The following KCNMA1 variants were observed in gnomAD, a reference collection of about 807,000 sequenced individuals.
The protein encoded by KCNMA1 is potassium calcium-activated channel subfamily M alpha 1.
In KCNMA1, 29 loss-of-function variants were observed where a neutral mutation model predicts 140.0. The observed-to-expected ratio is 0.21, with a 90% confidence interval of 0.15 to 0.28. The LOEUF is 0.28. KCNMA1 is among the 10% of genes least tolerant of loss of function. The probability of loss-of-function intolerance (pLI) is 1.00; values close to 1 mark genes in which losing one functional copy is unlikely to be tolerated. For missense variants in KCNMA1, 880 were observed against 1,602.2 expected, an observed-to-expected ratio of 0.55 and a Z score of 7.70; for synonymous variants, 612 against 611.9, an observed-to-expected ratio of 1.00 and a Z score of 0.00.
intron 1 of KCNMA1, among the ~76,000 whole-genome samples, chr10:77,601,831 A>G (rs2082750768): frequency 1.3e-5 from 2 of 152,220 alleles, no homozygotes; most frequent in Admixed American, 1.3e-4. Context: ...AGCCAAGGAT[A>G]CAGCAAATTT....
At chr10:77,364,655 C>T (rs12268022) in intron 2 of KCNMA1, among the ~76,000 whole-genome samples, 22,807 of 151,958 alleles carry the variant, frequency 0.15, 2,383 homozygotes, top group African/African-American at 0.3. Context: ...AAACCTCTGG[C>T]TCATAACTTC....
chr10:77,465,690 C>T (rs1449604073), intron 1 of KCNMA1, among the ~76,000 whole-genome samples: 1 of 152,196 alleles, frequency 6.6e-6, no homozygotes, highest in Non-Finnish European at 1.5e-5. Flanking sequence ...GGGCTCCCTC[C>T]AACATAGACT....
chr10:77,561,551 C>T (rs1567556798), intron 1 of KCNMA1, among the ~76,000 whole-genome samples: 1 of 152,210 alleles, frequency 6.6e-6, no homozygotes, highest in African/African-American at 2.4e-5. Flanking sequence ...TGATTCCTTC[C>T]ACTTTCTGGC....
chr10:77,255,256 A>G (rs755455455), intron 2 of KCNMA1, among the ~76,000 whole-genome samples: 1 of 152,244 alleles, frequency 6.6e-6, no homozygotes, highest in African/African-American at 2.4e-5. Flanking sequence ...AAGATCAAAC[A>G]AGACATGTGT....
At chr10:77,338,926 C>T (rs1276758627) in intron 2 of KCNMA1, among the ~76,000 whole-genome samples, 1 of 152,188 alleles carries the variant, frequency 6.6e-6, no homozygotes, top group Admixed American at 6.5e-5. Context: ...GTGGGACCAG[C>T]TCTTCTCCTC....
rs530244426 is a variant in KCNMA1 at position 77,102,707 on chromosome 10, G to A, written c.1223+5774C>T. Among the ~76,000 whole-genome samples, 6 of 152,316 alleles carry A rather than the reference G, an allele frequency of 3.9e-5. No individual in the cohort carries two copies. The Middle Eastern group carries it at 0.01, about 259-fold the overall frequency. ...GCTGGGTCAAGGTCATTGAACAAGCGTTAGTTAGCATCTCCTCCTCTGAGG... is the reference window on the plus strand; with the variant it reads ...GCTGGGTCAAGGTCATTGAACAAGCATTAGTTAGCATCTCCTCCTCTGAGG... On this transcript the variant is annotated intron_variant, in intron 9 of 27. Coordinates refer to ENST00000286628, the MANE Select transcript of KCNMA1 (RefSeq NM_001161352.2).
intron 5 of KCNMA1, among the ~76,000 whole-genome samples, chr10:77,166,676 A>G (rs1001692698): frequency 6.6e-6 from 1 of 152,004 alleles, no homozygotes; most frequent in Admixed American, 6.6e-5. Context: ...GAGGAAGAAG[A>G]AAAGAAGGAG....
intron 2 of KCNMA1, among the ~76,000 whole-genome samples, chr10:77,340,119 C>G (rs529391331): frequency 1.3e-5 from 2 of 152,300 alleles, no homozygotes; most frequent in South Asian, 4.1e-4. Context: ...AAATGCTCAT[C>G]ATCACTGGCC....
intron 2 of KCNMA1, among the ~76,000 whole-genome samples, chr10:77,356,584 A>G (rs1297945423): frequency 6.6e-6 from 1 of 152,222 alleles, no homozygotes. Flanking sequence ...GGTACCTTGC[A>G]GGAAATCAAA....
chr10:76,993,160 A>G (rs2083263838), intron 19 of KCNMA1, among the ~76,000 whole-genome samples: 1 of 152,268 alleles, frequency 6.6e-6, no homozygotes, highest in South Asian at 2.1e-4. Context: ...CCAATACTTC[A>G]CACCAGCAGG....
intron 3 of KCNMA1, among the ~76,000 whole-genome samples, chr10:77,213,207 G>A (rs542237153): frequency 3.3e-5 from 5 of 152,194 alleles, no homozygotes; most frequent in South Asian, 2.1e-4. Context: ...ACTCTGCAAC[G>A]AGCAAAAACG....
intron 1 of KCNMA1, among the ~76,000 whole-genome samples, chr10:77,597,004 C>A (rs997594973): frequency 6.6e-6 from 1 of 152,148 alleles, no homozygotes; most frequent in Non-Finnish European, 1.5e-5. Flanking sequence ...TGGCGACAAC[C>A]TTTCTGGAGC....
chr10:77,545,594 C>G (rs1263400268), intron 1 of KCNMA1, among the ~76,000 whole-genome samples: 3 of 152,202 alleles, frequency 2.0e-5, no homozygotes, highest in Non-Finnish European at 4.4e-5. Context: ...AGCCACAAGG[C>G]AGTGGGGCAT....
intron 1 of KCNMA1, among the ~76,000 whole-genome samples, chr10:77,596,616 A>G (rs571283992): frequency 2.2e-4 from 33 of 152,326 alleles, no homozygotes; most frequent in African/African-American, 7.2e-4. Flanking sequence ...ATGGGGAAGC[A>G]TTATCCTTAA....
intron 1 of KCNMA1, among the ~76,000 whole-genome samples, chr10:77,611,419 G>A (rs756821476): frequency 7.9e-5 from 12 of 152,152 alleles, no homozygotes; most frequent in African/African-American, 1.7e-4. Context: ...AAGAAACTGG[G>A]TCCATGGAGA....
chr10:77,622,509 G>C (rs1427308617), intron 1 of KCNMA1, among the ~76,000 whole-genome samples: 1 of 152,172 alleles, frequency 6.6e-6, no homozygotes, highest in Non-Finnish European at 1.5e-5. Context: ...CATAAGTGAG[G>C]ATAATAATAC....
At chr10:77,130,540 T>C (rs2097839761) in intron 5 of KCNMA1, among the ~76,000 whole-genome samples, 1 of 152,166 alleles carries the variant, frequency 6.6e-6, no homozygotes, top group Non-Finnish European at 1.5e-5. Context: ...AAATTCTGTA[T>C]ATAATACCAA....
rs143374156 is a variant in KCNMA1, at chr10:77,000,496, A to G, written c.2266+911T>C. On this transcript the variant is annotated intron_variant, in intron 19 of 27. Transcript: ENST00000286628. ...GCACATCTCAGCCTTGCCAGCTACCAGCTGCATAGCCTTGACAGGTTCTTT... is the reference window on the plus strand; with the variant it reads ...GCACATCTCAGCCTTGCCAGCTACCGGCTGCATAGCCTTGACAGGTTCTTT... 2.5e-4 allele frequency among the ~76,000 whole-genome samples: 38 copies of G among 152,280 alleles called. 3 individuals carry two copies. The highest frequency in any genetic ancestry group is 8.7e-4 in the African/African-American group (36 of 41,574).
chr10:76,914,877 T>A, intron 24 of KCNMA1, 59 bp downstream of exon 24: 1 of 1,227,010 alleles, frequency 8.1e-7, no homozygotes, highest in Non-Finnish European at 1.2e-6. Context: ...CCTCCTCATA[T>A]CCTGTATGGT....
Sources: allele counts gnomAD v4.1 joint callset (sites outside exome capture counted in the v4.1 genomes callset), GRCh38; gene constraint gnomAD v4.1.1; transcripts MANE v1.5; gene names NCBI Gene and HGNC (gene_info 2026-07-23, HGNC 2026-07-21).